PASD1: variants seen among roughly 807,000 people sequenced by gnomAD.
PASD1 encodes the protein circadian clock protein PASD1.
A neutral mutation model predicts 58.8 loss-of-function variants in PASD1; 13 were observed. The ratio of observed to expected loss-of-function variants is 0.22; its 90% CI spans 0.14 to 0.35. The LOEUF (loss-of-function observed/expected upper bound fraction) is 0.35, where lower values mean the gene tolerates loss of function less well. Among genes scored for constraint, PASD1 ranks in the 10% least tolerant of loss-of-function variants. The probability of loss-of-function intolerance (pLI) is 1.00; values close to 1 mark genes in which losing one functional copy is unlikely to be tolerated. For missense variants in PASD1, 734 were observed against 568.3 expected, an observed-to-expected ratio of 1.29 and a Z score of -2.96; for synonymous variants, 236 against 216.7, an observed-to-expected ratio of 1.09 and a Z score of -0.78.
chrX:151,600,213 A>C (rs891160432), intron 1 of PASD1, among the ~76,000 whole-genome samples: 25 of 110,155 alleles, frequency 2.3e-4, no homozygotes, highest in African/African-American at 7.3e-4. Flanking sequence ...AGATGGTGGC[A>C]GTACAGTCCA....
chrX:151,617,598 AGG>A (rs2013652450), intron 4 of PASD1, among the ~76,000 whole-genome samples: 3 of 55,644 alleles, frequency 5.4e-5, no homozygotes, highest in Non-Finnish European at 1.3e-4. Context: ...ATTCGTTGTC[AGG>A]TTCATCTTTT....
intron 8 of PASD1, among the ~76,000 whole-genome samples, chrX:151,628,491 G>T (rs2013823274): frequency 8.9e-6 from 1 of 111,843 alleles, no homozygotes; most frequent in South Asian, 3.8e-4. Context: ...GTTTTTGTCA[G>T]GTTTGTCAAA....
At chrX:151,595,493 C>T (rs992835999) in intron 1 of PASD1, among the ~76,000 whole-genome samples, 9 of 109,450 alleles carry the variant, frequency 8.2e-5, no homozygotes, top group Non-Finnish European at 1.7e-4. Flanking sequence ...CTGAGGCGGG[C>T]GGATCACGAG....
At chrX:151,616,406 C>T (rs1406430610) in intron 4 of PASD1, among the ~76,000 whole-genome samples, 2 of 110,611 alleles carry the variant, frequency 1.8e-5, no homozygotes, top group African/African-American at 6.6e-5. Flanking sequence ...ACAACACATA[C>T]CATGAATAAA....
At chrX:151,631,941 A>G (rs1446670380) in intron 8 of PASD1, among the ~76,000 whole-genome samples, 1 of 111,855 alleles carries the variant, frequency 8.9e-6, no homozygotes, top group Non-Finnish European at 1.9e-5. Flanking sequence ...TCCCAGTGAA[A>G]CTTATTTATT....
chrX:151,606,560 A>G (rs58021324), intron 3 of PASD1, among the ~76,000 whole-genome samples: 3,803 of 110,809 alleles, frequency 0.034, 118 homozygotes, highest in African/African-American at 0.095. Flanking sequence ...TAAGAAGCCT[A>G]TGATTAACTT....
intron 8 of PASD1, among the ~76,000 whole-genome samples, chrX:151,647,183 C>T (rs1396910740): frequency 2.7e-5 from 3 of 111,452 alleles, no homozygotes; most frequent in African/African-American, 9.8e-5. Context: ...GTGGGAGTCA[C>T]GCATAGTTGA....
chrX:151,614,413 A>C (rs769367840), intron 4 of PASD1, among the ~76,000 whole-genome samples: 372 of 111,272 alleles, frequency 3.3e-3, no homozygotes, highest in Non-Finnish European at 2.8e-3. Flanking sequence ...ATAAACATTC[A>C]ATCTGTAGCA....
intron 9 of PASD1, among the ~76,000 whole-genome samples, chrX:151,652,546 AC>A (rs376580269): frequency 0.23 from 20,195 of 89,241 alleles, 2,335 homozygotes; most frequent in Non-Finnish European, 0.33. Flanking sequence ...AAAAAAAAAA[AC>A]AAAAAACAAA....
At chrX:151,629,165 G>C (rs1254809995) in intron 8 of PASD1, among the ~76,000 whole-genome samples, 1 of 111,192 alleles carries the variant, frequency 9.0e-6, no homozygotes, top group African/African-American at 3.3e-5. Context: ...TGTCGCCCAG[G>C]CTGGAATGCA....
chrX:151,622,970 G>T lies in PASD1; in HGVS notation c.452G>T (p.Ser151Ile). 8.3e-7 allele frequency: 1 copy of T among 1,208,588 alleles called. No homozygotes were observed. ...GTGGTCTTTAGTGGCTTGTTTTCCA[G>T]CCACCTCTGTGCTGACTTTGCTGCA... is the stretch of plus-strand genomic sequence containing the variant. ...FPVVFSGLFSSHLCADFAACV... is the reference protein window; with the variant it reads ...FPVVFSGLFSIHLCADFAACV... The change falls in exon 7 of 16, where the codon AGC becomes ATC. Residue 151 changes from serine (S) to isoleucine (I), a missense_variant. Coordinates refer to ENST00000370357, the MANE Select transcript of PASD1 (RefSeq NM_173493.3).
At chrX:151,648,251 G>A (rs185892109) in intron 8 of PASD1, among the ~76,000 whole-genome samples, 1 of 109,550 alleles carries the variant, frequency 9.1e-6, no homozygotes, top group African/African-American at 3.3e-5. Flanking sequence ...TCTAATTACA[G>A]GAAACAAAAT....
chrX:151,623,091 C>T, intron 7 of PASD1, 27 bp downstream of exon 7: 1 of 1,201,094 alleles, frequency 8.3e-7, no homozygotes, highest in South Asian at 1.8e-5. Context: ...TGTGCTTCCC[C>T]CGCTGTGGCG....
intron 15 of PASD1, among the ~76,000 whole-genome samples, chrX:151,674,715 G>A (rs1393191855): frequency 8.9e-6 from 1 of 112,583 alleles, no homozygotes; most frequent in East Asian, 2.8e-4. Context: ...CCAGATGGCA[G>A]TTACGTAGCA....
intron 11 of PASD1, among the ~76,000 whole-genome samples, chrX:151,668,066 G>A (rs1373286232): frequency 9.0e-6 from 1 of 111,017 alleles, no homozygotes; most frequent in Admixed American, 9.6e-5. Context: ...GTGAGAGACG[G>A]CATCCCTGTC....
At chrX:151,647,948 T>C (rs1422058975) in intron 8 of PASD1, among the ~76,000 whole-genome samples, 7 of 111,659 alleles carry the variant, frequency 6.3e-5, no homozygotes, top group African/African-American at 9.8e-5. Context: ...TATCAGACTT[T>C]AATTTCTCAT....
At chrX:151,627,869 C>G (rs1434684888) in intron 8 of PASD1, among the ~76,000 whole-genome samples, 4 of 111,080 alleles carry the variant, frequency 3.6e-5, no homozygotes, top group East Asian at 2.8e-4. Flanking sequence ...AGCACCTGTT[C>G]TTTCCTGACT....
intron 11 of PASD1, among the ~76,000 whole-genome samples, chrX:151,668,552 A>C (rs1031272711): frequency 8.0e-4 from 89 of 111,342 alleles, no homozygotes; most frequent in African/African-American, 2.7e-3. Flanking sequence ...CAGAAATACA[A>C]ACTACCATCA....
At chrX:151,566,063 T>C (rs763515368) in intron 1 of PASD1, among the ~76,000 whole-genome samples, 1 of 112,266 alleles carries the variant, frequency 8.9e-6, no homozygotes, top group East Asian at 2.8e-4. Context: ...AAAAGTGTAG[T>C]TTAACTCTCC....
Sources: gnomAD v4.1 joint callset for allele counts (sites outside exome capture counted in the v4.1 genomes callset) on GRCh38, gnomAD v4.1.1 for gene constraint, MANE v1.5 for transcripts, NCBI Gene and HGNC (gene_info 2026-07-23, HGNC 2026-07-21) for gene names.